Variants in SH2D4B observed in about 807,000 individuals in gnomAD.
SH2D4B encodes the protein SH2 domain-containing protein 4B.
A neutral mutation model predicts 61.5 loss-of-function variants in SH2D4B; 45 were observed. The ratio of observed to expected loss-of-function variants is 0.73; its 90% CI spans 0.58 to 0.94. The LOEUF is 0.94. Ranked by LOEUF, SH2D4B falls within the 40% of genes least tolerant of loss-of-function variation. The pLI is 0.00. For synonymous variants in SH2D4B, 224 were observed against 220.4 expected (o/e 1.02, Z -0.14); for missense variants, 572 against 574.2 (o/e 1.00, Z 0.04).
intron 3 of SH2D4B, among the ~76,000 whole-genome samples, chr10:80,575,690 G>A (rs1842116099): frequency 6.6e-6 from 1 of 152,124 alleles, no homozygotes; most frequent in Non-Finnish European, 1.5e-5. Context: ...CAGGAGAATT[G>A]CTTGAACCCA....
intron 4 of SH2D4B, among the ~76,000 whole-genome samples, chr10:80,600,589 A>G (rs955537630): frequency 6.6e-6 from 1 of 151,748 alleles, no homozygotes; most frequent in Non-Finnish European, 1.5e-5. Flanking sequence ...GAAAGTAAGG[A>G]AAGTAGGCAG....
chr10:80,550,390 G>C (rs944349517), intron 1 of SH2D4B, among the ~76,000 whole-genome samples: 2 of 152,092 alleles, frequency 1.3e-5, no homozygotes, highest in Admixed American at 1.3e-4. Context: ...TCAGGAGATC[G>C]AGACCATCCT....
At chr10:80,553,412 C>A (rs143655784) in intron 1 of SH2D4B, among the ~76,000 whole-genome samples, 3,090 of 152,344 alleles carry the variant, frequency 0.02, 46 homozygotes, top group Middle Eastern at 0.031. Flanking sequence ...ACAGGACTGA[C>A]AGCAGGGTCT....
intron 4 of SH2D4B, 138 bp downstream of exon 4, chr10:80,588,915 C>T (rs1225642288): frequency 3.0e-6 from 3 of 1,012,020 alleles, no homozygotes; most frequent in Non-Finnish European, 4.4e-6. Flanking sequence ...GCCATGTGCT[C>T]AGTCCTGCTA....
chr10:80,592,683 T>C (rs755624250), intron 4 of SH2D4B, among the ~76,000 whole-genome samples: 1 of 152,014 alleles, frequency 6.6e-6, no homozygotes, highest in Non-Finnish European at 1.5e-5. Flanking sequence ...TCACCAAAAA[T>C]ATGTCTGTTT....
At position 80,571,544 on chromosome 10, in the gene SH2D4B, A is replaced by C; in HGVS notation, c.461A>C (p.Lys154Thr). 1 of 1,614,030 alleles carries C rather than the reference A, an allele frequency of 6.2e-7. No homozygotes were observed. Residue 154 changes from lysine to threonine, a missense_variant, in exon 3 of 8, where the codon AAA becomes ACA. Lys to Thr is a moderately conservative substitution (Grantham distance 78). Transcript: ENST00000646907. Reference protein sequence around the residue: ...KVEMEDRKAAKVLEERIHEEF... With the variant: ...KVEMEDRKAATVLEERIHEEF... ...GAGATGGAAGACCGCAAGGCTGCCA[A>C]AGTCCTGGAGGAACGCATCCACGAG...
intron 6 of SH2D4B, among the ~76,000 whole-genome samples, chr10:80,632,994 G>A (rs868295101): frequency 2.6e-5 from 4 of 151,942 alleles, no homozygotes; most frequent in South Asian, 2.1e-4. Flanking sequence ...CCCTGGTTGC[G>A]CCAATTGTCT....
At chr10:80,605,807 C>T in intron 5 of SH2D4B, among the ~76,000 whole-genome samples, 1 of 152,206 alleles carries the variant, frequency 6.6e-6, no homozygotes, top group Middle Eastern at 3.2e-3. Flanking sequence ...GTGTGAGCCA[C>T]CACACCCGAC....
At chr10:80,564,488 CCT>C (rs1841941999) in intron 1 of SH2D4B, among the ~76,000 whole-genome samples, 1 of 152,204 alleles carries the variant, frequency 6.6e-6, no homozygotes, top group Admixed American at 6.5e-5. Flanking sequence ...GCCTCACAGG[CCT>C]CTCTCTCCAG....
intron 7 of SH2D4B, among the ~76,000 whole-genome samples, chr10:80,642,810 G>A (rs1840329987): frequency 6.6e-6 from 1 of 152,196 alleles, no homozygotes; most frequent in African/African-American, 2.4e-5. Context: ...GGAGAGAAGA[G>A]TATGCACATT....
chr10:80,579,354 T>G (rs1842163367), intron 3 of SH2D4B, among the ~76,000 whole-genome samples: 2 of 152,204 alleles, frequency 1.3e-5, no homozygotes. Flanking sequence ...CTGCTGTGGC[T>G]GGTGCCATTT....
chr10:80,630,811 G>T lies in SH2D4B; in HGVS notation c.989-3474G>T, dbSNP rs139577093. 8.7e-4 allele frequency among the ~76,000 whole-genome samples: 132 copies of T among 152,310 alleles called. 1 individual carries two copies. The highest frequency in any genetic ancestry group is 3.4e-3 in the Middle Eastern group (1 of 294). On this transcript the variant is annotated intron_variant, in intron 6 of 7. Transcript: ENST00000646907. ...GGCTGGGATGTGGCCTCAGTCCAAG[G>T]TCGGCTTGTGGGGAGCAGCCAGTAC...
chr10:80,544,599 C>T (rs1030670872), intron 1 of SH2D4B, among the ~76,000 whole-genome samples: 1 of 152,234 alleles, frequency 6.6e-6, no homozygotes, highest in African/African-American at 2.4e-5. Flanking sequence ...TTCCGTGTGT[C>T]CTCTTTCCAG....
At position 80,538,474 on chromosome 10, in the gene SH2D4B, T is replaced by C; in HGVS notation, c.143T>C (p.Leu48Pro). The C allele has an allele frequency of 1.4e-6, 2 of 1,463,494 alleles. No homozygotes were observed. Among genetic ancestry groups the C allele is most frequent in the Non-Finnish European group, 1.8e-6 (2 of 1,107,362 alleles). 90.7% of individuals were successfully genotyped at this position (1,463,494 alleles called of 1,614,324 possible). A position where few individuals can be genotyped will look rare whatever the true frequency, so the allele number is the denominator to read the frequency against. ...AAGGAGCGGGAGACTTGGGAGGCCC[T>C]GGCCCAGGACGAGGGTCTCAGGCCT... ...RWKERETWEA[L>P]AQDEGLRPPK... The change falls in exon 1 of 8, where the codon CTG (leucine) becomes CCG (proline). Residue 48 changes from leucine to proline, a missense_variant. Coordinates refer to ENST00000646907, the MANE Select transcript of SH2D4B (RefSeq NM_001388272.1). The surrounding 1 kb of genome is among the most constrained non-coding windows in gnomAD (Gnocchi z 4.8).
At position 80,540,915 on chromosome 10, in the gene SH2D4B, G is replaced by A. The variant is rs981005315; in HGVS notation, c.184+2400G>A. The A allele has an allele frequency of 1.5e-5, 23 of 1,551,096 alleles. No homozygotes were observed. The African/African-American group carries it at 1.8e-4, about 12-fold the overall frequency. On this transcript the variant is annotated intron_variant, in intron 1 of 7. Coordinates refer to ENST00000646907, the MANE Select transcript of SH2D4B (RefSeq NM_001388272.1). ...TCCCTTGATGTTGCCAGAGGACTCAGGAGGCTCTCCAGATGCTGGTGAGAC... is the reference window on the plus strand; with the variant it reads ...TCCCTTGATGTTGCCAGAGGACTCAAGAGGCTCTCCAGATGCTGGTGAGAC...
chr10:80,642,857 A>C (rs774350307), intron 7 of SH2D4B: 5 of 152,530 alleles, frequency 3.3e-5, no homozygotes, highest in Admixed American at 6.5e-5. Flanking sequence ...CCCTCCAAAA[A>C]TATGGTGCCA....
chr10:80,570,377 G>T, intron 2 of SH2D4B, 61 bp downstream of exon 2: 1 of 1,569,172 alleles, frequency 6.4e-7, no homozygotes, highest in Non-Finnish European at 8.7e-7. Context: ...TTAGCCCCAC[G>T]CACGGCTAAT....
At position 80,545,882 on chromosome 10, in the gene SH2D4B, G is replaced by C. The variant is rs537282285; in HGVS notation, c.184+7367G>C. ...TAAAAGTATAGAAATCAGAATATATGTGTGCTTTGGGATTTGTTGTAGAGG... is the reference window on the plus strand; with the variant it reads ...TAAAAGTATAGAAATCAGAATATATCTGTGCTTTGGGATTTGTTGTAGAGG... On this transcript the variant is annotated intron_variant, in intron 1 of 7. Transcript: ENST00000646907. Among the ~76,000 whole-genome samples the C allele has an allele frequency of 1.8e-4, 27 of 152,258 alleles. No homozygotes were observed. In the South Asian group the frequency reaches 4.8e-3, roughly 27 times the overall value.
Position 80,646,397 on chromosome 10 carries a change from G to C in SH2D4B, c.*2312G>C, listed in dbSNP as rs1025724424. The stretch of plus-strand genomic sequence containing the variant: ...TAACACATTTATTTCATTTTATTTG[G>C]GGCCTGCAATTTCTGCATGTCTCAT... On this transcript the variant is annotated 3_prime_UTR_variant, in exon 8 of 8. Coordinates refer to ENST00000646907, the MANE Select transcript of SH2D4B (RefSeq NM_001388272.1). 1.3e-5 allele frequency: 2 copies of C among 152,268 alleles called. No homozygotes were observed. The allele number at this position is 152,268 out of a possible 1,614,324, so 9.4% of individuals were successfully genotyped here.
Sources: allele counts gnomAD v4.1 joint callset (sites outside exome capture counted in the v4.1 genomes callset), GRCh38; gene constraint gnomAD v4.1.1; non-coding constraint Gnocchi (gnomAD v3.1); transcripts MANE v1.5; gene names NCBI Gene and HGNC (gene_info 2026-07-23, HGNC 2026-07-21).